AAGAB: variants seen among roughly 807,000 people sequenced by gnomAD.
The protein encoded by AAGAB is alpha and gamma adaptin binding protein, also known as alpha- and gamma-adaptin-binding protein p34.
A neutral mutation model predicts 44.1 loss-of-function variants in AAGAB; 38 were observed. The observed-to-expected ratio is 0.86, with a 90% confidence interval of 0.67 to 1.13. The LOEUF is 1.13. AAGAB is among the 50% of genes most tolerant of loss of function. The pLI, the probability that AAGAB is intolerant of heterozygous loss-of-function variation, is 0.00. For synonymous variants in AAGAB, 131 were observed against 131.8 expected, an observed-to-expected ratio of 0.99 and a Z score of 0.04; for missense variants, 450 against 373.8, an observed-to-expected ratio of 1.20 and a Z score of -1.68.
rs929465012 is a variant in AAGAB, at chr15:67,200,935, A to G, written c.*1886T>C. On this transcript the variant is annotated 3_prime_UTR_variant, in exon 10 of 10. Transcript: ENST00000261880. ...TTGACAGACTCTTCCACTATTCACT[A>G]TATATGTCTAATCCAATGAAGGATA... The G allele has an allele frequency of 6.6e-6, 1 of 152,348 alleles. No individual in the cohort carries two copies. Among genetic ancestry groups the G allele is most frequent in the African/African-American group, 2.4e-5 (1 of 41,456 alleles). The allele number at this position is 152,348 out of a possible 1,614,324, so 9.4% of individuals were successfully genotyped here. A position where few individuals can be genotyped will look rare whatever the true frequency, so the allele number is the denominator to read the frequency against.
chr15:67,210,053 C>T lies in AAGAB; in HGVS notation c.536-509G>A, dbSNP rs140429943. On this transcript the variant is annotated intron_variant, in intron 5 of 9. Coordinates refer to ENST00000261880, the MANE Select transcript of AAGAB (RefSeq NM_024666.5). ...ATAATAGCAGGGCCATTATGACAAA[C>T]AAAAGGCCAGTGGTTCTATTTGCAA... 7.9e-5 allele frequency among the ~76,000 whole-genome samples: 12 copies of T among 152,218 alleles called. No individual in the cohort carries two copies. The East Asian group carries it at 9.6e-4, about 12-fold the overall frequency.
At chr15:67,207,073 C>G (rs7165503) in intron 7 of AAGAB, among the ~76,000 whole-genome samples, 1 of 151,976 alleles carries the variant, frequency 6.6e-6, no homozygotes, top group East Asian at 1.9e-4. Flanking sequence ...GCCTGTAATC[C>G]CAGCCACTCA....
intron 5 of AAGAB, among the ~76,000 whole-genome samples, chr15:67,212,703 T>G (rs1268135379): frequency 6.6e-6 from 1 of 152,224 alleles, no homozygotes; most frequent in African/African-American, 2.4e-5. Context: ...ACAATTCATT[T>G]TTGTTTACCC....
intron 1 of AAGAB, among the ~76,000 whole-genome samples, chr15:67,251,734 A>C (rs1393395298): frequency 1.3e-5 from 2 of 152,210 alleles, no homozygotes; most frequent in Non-Finnish European, 2.9e-5. Context: ...TTCAATCCAA[A>C]ACTATTCCAC....
At chr15:67,222,384 T>A (rs1964104397) in intron 5 of AAGAB, among the ~76,000 whole-genome samples, 2 of 151,860 alleles carry the variant, frequency 1.3e-5, no homozygotes, top group Admixed American at 1.3e-4. Flanking sequence ...CTAGGTTCAT[T>A]TACTCTTTCT....
At position 67,202,600 on chromosome 15, in the gene AAGAB, A is replaced by C. The variant is rs1383158986; in HGVS notation, c.*221T>G. 2.0e-6 allele frequency: 1 copy of C among 506,356 alleles called. No homozygotes were observed. Among genetic ancestry groups the C allele is most frequent in the Non-Finnish European group, 3.5e-6 (1 of 285,382 alleles). 31.4% of individuals were successfully genotyped at this position (506,356 alleles called of 1,614,324 possible). On this transcript the variant is annotated 3_prime_UTR_variant, in exon 10 of 10. Transcript: ENST00000261880. ...AAAAAAGTATATTTAAGAAATCCTCACTCATTACTATCACTGTATTCCTCA... is the reference window on the plus strand; with the variant it reads ...AAAAAAGTATATTTAAGAAATCCTCCCTCATTACTATCACTGTATTCCTCA...
At chr15:67,249,226 G>A (rs1341816438) in intron 1 of AAGAB, among the ~76,000 whole-genome samples, 1 of 152,050 alleles carries the variant, frequency 6.6e-6, no homozygotes, top group African/African-American at 2.4e-5. Context: ...GTAGAGATGG[G>A]GTTTCACTAT....
At chr15:67,228,559 A>G (rs1964258591) in intron 5 of AAGAB, among the ~76,000 whole-genome samples, 1 of 152,252 alleles carries the variant, frequency 6.6e-6, no homozygotes, top group Non-Finnish European at 1.5e-5. Context: ...TGTGGAAAGC[A>G]GTTTGGAGAC....
At chr15:67,236,310 C>G in intron 3 of AAGAB, 98 bp downstream of exon 3, 1 of 1,170,592 alleles carries the variant, frequency 8.5e-7, no homozygotes, top group Admixed American at 2.2e-5. Context: ...CATAAAGTCA[C>G]ATGGGATGTA....
intron 5 of AAGAB, among the ~76,000 whole-genome samples, chr15:67,214,935 C>T (rs1261377718): frequency 4.0e-5 from 6 of 151,448 alleles, no homozygotes; most frequent in Non-Finnish European, 7.4e-5. Flanking sequence ...CCACGGCACC[C>T]GGCAGTCCTT....
intron 1 of AAGAB, among the ~76,000 whole-genome samples, chr15:67,253,389 C>T (rs1964942530): frequency 6.6e-6 from 1 of 151,716 alleles, no homozygotes; most frequent in South Asian, 2.1e-4. Context: ...GATAACGCCA[C>T]TGCACTACAG....
At chr15:67,248,658 A>C (rs1437945859) in intron 1 of AAGAB, among the ~76,000 whole-genome samples, 1 of 152,258 alleles carries the variant, frequency 6.6e-6, no homozygotes, top group East Asian at 1.9e-4. Context: ...TTGCAAGTAT[A>C]GGAGTCTGAC....
intron 5 of AAGAB, among the ~76,000 whole-genome samples, chr15:67,218,432 C>G (rs1963998702): frequency 7.0e-6 from 1 of 142,964 alleles, no homozygotes. Flanking sequence ...CAGTGACAAC[C>G]TAGCCTGAAA....
chr15:67,239,232 A>G (rs1003176262), intron 1 of AAGAB, among the ~76,000 whole-genome samples: 3 of 152,246 alleles, frequency 2.0e-5, no homozygotes, highest in Non-Finnish European at 4.4e-5. Flanking sequence ...CATGAGAAAT[A>G]TAAAATCACT....
intron 5 of AAGAB, among the ~76,000 whole-genome samples, chr15:67,226,150 C>T (rs570334958): frequency 2.4e-4 from 36 of 151,314 alleles, no homozygotes; most frequent in African/African-American, 7.3e-4. Context: ...TTTTTTAATA[C>T]GAATTGGGGT....
At position 67,208,939 on chromosome 15, in the gene AAGAB, A is replaced by G. The variant is rs572719608; in HGVS notation, c.619-281T>C. 3.9e-5 allele frequency among the ~76,000 whole-genome samples: 6 copies of G among 152,362 alleles called. No individual in the cohort carries two copies. The East Asian group carries it at 9.6e-4, about 24-fold the overall frequency. ...TCATTTAAGATCCATGTTATATTCA[A>G]AATGTGAAAATGTAACACAATCGTA... On this transcript the variant is annotated intron_variant, in intron 6 of 9. Coordinates refer to ENST00000261880, the MANE Select transcript of AAGAB (RefSeq NM_024666.5).
intron 4 of AAGAB, 52 bp from the exon 5 acceptor site, chr15:67,231,949 T>C (rs988487963): frequency 1.2e-5 from 17 of 1,466,852 alleles, no homozygotes; most frequent in African/African-American, 7.0e-5. Flanking sequence ...CACACAGATA[T>C]ACATATACAT....
intron 7 of AAGAB, among the ~76,000 whole-genome samples, chr15:67,207,683 T>C (rs1221644916): frequency 6.6e-6 from 1 of 152,114 alleles, no homozygotes; most frequent in Non-Finnish European, 1.5e-5. Flanking sequence ...TCTAGTCCAA[T>C]TACTGTTTTC....
chr15:67,254,221 C>T (rs554060119), intron 1 of AAGAB: 1 of 293,290 alleles, frequency 3.4e-6, no homozygotes, highest in East Asian at 6.4e-5. Flanking sequence ...ACAATTCCAG[C>T]ACCTTACACT....
Sources: gnomAD v4.1 joint callset for allele counts (sites outside exome capture counted in the v4.1 genomes callset) on GRCh38, gnomAD v4.1.1 for gene constraint, MANE v1.5 for transcripts, NCBI Gene and HGNC (gene_info 2026-07-23, HGNC 2026-07-21) for gene names.